Variants in EPHA3 observed in about 807,000 individuals in gnomAD.
EPHA3 encodes the protein ephrin type-A receptor 3.
A neutral mutation model predicts 107.1 loss-of-function variants in EPHA3; 42 were observed. The ratio of observed to expected loss-of-function variants is 0.39; its 90% CI spans 0.31 to 0.51. The LOEUF (loss-of-function observed/expected upper bound fraction) is 0.51, where lower values mean the gene tolerates loss of function less well. Among genes scored for constraint, EPHA3 ranks in the 20% least tolerant of loss-of-function variants. The pLI is 0.78. For synonymous variants in EPHA3, 461 were observed against 424.8 expected, an observed-to-expected ratio of 1.09 and a Z score of -1.05; for missense variants, 1,183 against 1,211.2, an observed-to-expected ratio of 0.98 and a Z score of 0.35.
intron 2 of EPHA3, among the ~76,000 whole-genome samples, chr3:89,204,794 C>T (rs1365613916): frequency 6.6e-6 from 1 of 152,004 alleles, no homozygotes; most frequent in Non-Finnish European, 1.5e-5. Context: ...GGTAAATGCC[C>T]AAATACTTCC....
intron 3 of EPHA3, among the ~76,000 whole-genome samples, chr3:89,282,310 C>A (rs1303006874): frequency 6.6e-6 from 1 of 152,224 alleles, no homozygotes; most frequent in Middle Eastern, 3.4e-3. Context: ...ATGTACTGAG[C>A]ACATACTATA....
intron 2 of EPHA3, among the ~76,000 whole-genome samples, chr3:89,175,549 T>C (rs1705303899): frequency 1.3e-5 from 2 of 152,262 alleles, no homozygotes; most frequent in Middle Eastern, 3.4e-3. Flanking sequence ...TGTTGAGTTA[T>C]TAACTTCAAA....
chr3:89,460,987 C>T (rs1262493557), intron 15 of EPHA3, among the ~76,000 whole-genome samples: 2 of 118,290 alleles, frequency 1.7e-5, no homozygotes, highest in Non-Finnish European at 3.5e-5. Context: ...TCCCCCGACC[C>T]CACCACAGTC....
chr3:89,476,685 G>T (rs1347048690), intron 16 of EPHA3, among the ~76,000 whole-genome samples: 2 of 151,312 alleles, frequency 1.3e-5, no homozygotes, highest in African/African-American at 4.9e-5. Flanking sequence ...TCGGCTCACT[G>T]CAAGCTCCGC....
intron 2 of EPHA3, among the ~76,000 whole-genome samples, chr3:89,152,938 T>C (rs1704720073): frequency 6.6e-6 from 1 of 152,112 alleles, no homozygotes; most frequent in Admixed American, 6.6e-5. Flanking sequence ...TCTGTAAAAC[T>C]GTCTAATTAT....
intron 2 of EPHA3, among the ~76,000 whole-genome samples, chr3:89,197,918 G>T (rs1278921881): frequency 6.6e-6 from 1 of 152,120 alleles, no homozygotes; most frequent in Non-Finnish European, 1.5e-5. Context: ...AGAGGTTGCA[G>T]TGAGCCAAGA....
intron 5 of EPHA3, among the ~76,000 whole-genome samples, chr3:89,347,370 C>G (rs1170989495): frequency 6.7e-6 from 1 of 148,596 alleles, no homozygotes; most frequent in Non-Finnish European, 1.5e-5. Flanking sequence ...ATTTTATTCT[C>G]TTTGAAGCAA....
intron 3 of EPHA3, among the ~76,000 whole-genome samples, chr3:89,334,426 A>G (rs1373897133): frequency 6.6e-6 from 1 of 152,218 alleles, no homozygotes; most frequent in African/African-American, 2.4e-5. Context: ...TTGTTCTTTT[A>G]TCTCCACTTA....
At chr3:89,441,135 C>T (rs559604069) in intron 13 of EPHA3, among the ~76,000 whole-genome samples, 2 of 152,248 alleles carry the variant, frequency 1.3e-5, no homozygotes, top group East Asian at 3.9e-4. Context: ...AAAACTGAGG[C>T]CAGAAACCAA....
Position 89,395,920 on chromosome 3 carries a change from A to G in EPHA3, c.1390A>G (p.Asn464Asp), listed in dbSNP as rs762400314. Residue 464 changes from asparagine to aspartate, a missense_variant, in exon 6 of 17, where the codon AAT becomes GAT. By Grantham distance (23) the Asn-to-Asp change is conservative (BLOSUM62 1). Transcript: ENST00000336596. Reference sequence around the variant, plus strand: ...GTCCTGGCAAGAACCTGAACATCCTAATGGGATCATATTGGACTACGAGGT... The same window carrying G: ...GTCCTGGCAAGAACCTGAACATCCTGATGGGATCATATTGGACTACGAGGT... ...SLSWQEPEHP[N>D]GIILDYEVKY... is the part of the protein sequence containing the mutation. The G allele has an allele frequency of 6.2e-7, 1 of 1,614,008 alleles. No homozygotes were observed. The highest frequency in any genetic ancestry group is 8.5e-7 in the Non-Finnish European group (1 of 1,179,946).
At chr3:89,113,512 A>AAAAAAAAAAAAAC (rs1707169730) in intron 1 of EPHA3, among the ~76,000 whole-genome samples, 1 of 149,278 alleles carries the variant, frequency 6.7e-6, no homozygotes, top group Non-Finnish European at 1.5e-5. Context: ...AAAAAAAAAA[A>AAAAAAAAAAAAAC]AGAGGGGAGG....
chr3:89,341,769 C>G lies in EPHA3; in HGVS notation c.985C>G (p.Pro329Ala). The G allele has an allele frequency of 2.5e-6, 4 of 1,609,882 alleles. No homozygotes were observed. Among genetic ancestry groups the G allele is most frequent in the Non-Finnish European group, 2.5e-6 (3 of 1,177,654 alleles). The stretch of plus-strand genomic sequence containing the variant: ...CTACTTTGCAGGACCTCCATCTTCA[C>G]CAAGAAATGTTATCTCTAATATAAA... Reference protein sequence around the residue: ...SMACTRPPSSPRNVISNINET... With the variant: ...SMACTRPPSSARNVISNINET... The change falls in exon 5 of 17, where the codon CCA (proline) becomes GCA (alanine). Residue 329 changes from proline (P) to alanine (A), a missense_variant. Physicochemically the swap from Pro to Ala is conservative, Grantham distance 27. Transcript: ENST00000336596.
At chr3:89,386,067 A>AT (rs1255858202) in intron 5 of EPHA3, among the ~76,000 whole-genome samples, 3 of 152,082 alleles carry the variant, frequency 2.0e-5, no homozygotes, top group Non-Finnish European at 2.9e-5. Flanking sequence ...TGGTGGAACA[A>AT]TTTTTTTAGT....
intron 3 of EPHA3, among the ~76,000 whole-genome samples, chr3:89,228,860 A>G (rs1289432084): frequency 6.6e-6 from 1 of 151,910 alleles, no homozygotes; most frequent in Admixed American, 6.6e-5. Flanking sequence ...AGTACATATA[A>G]ACTAAAGATT....
At chr3:89,383,639 CTTTTTTTTTTTT>C (rs71621546) in intron 5 of EPHA3, among the ~76,000 whole-genome samples, 1 of 87,962 alleles carries the variant, frequency 1.1e-5, no homozygotes, top group African/African-American at 4.3e-5. Flanking sequence ...ACTTCTTCTT[CTTTTTTTTTTTT>C]TTTTTTTTTT....
At chr3:89,434,673 G>A (rs1403917054) in intron 13 of EPHA3, among the ~76,000 whole-genome samples, 4 of 152,170 alleles carry the variant, frequency 2.6e-5, no homozygotes, top group Non-Finnish European at 5.9e-5. Context: ...AACTCTAAAT[G>A]TTTCCTTTAC....
chr3:89,448,782 G>A (rs530422177), intron 13 of EPHA3, among the ~76,000 whole-genome samples: 1 of 152,180 alleles, frequency 6.6e-6, no homozygotes, highest in Non-Finnish European at 1.5e-5. Context: ...AGTGGTCTAA[G>A]TTCTTTACAA....
intron 3 of EPHA3, among the ~76,000 whole-genome samples, chr3:89,268,224 G>A (rs1321471541): frequency 6.6e-6 from 1 of 152,092 alleles, no homozygotes; most frequent in Non-Finnish European, 1.5e-5. Flanking sequence ...ACAGGGTGGT[G>A]TTTGAGAGGG....
intron 13 of EPHA3, among the ~76,000 whole-genome samples, chr3:89,439,987 A>G (rs1057449902): frequency 2.0e-5 from 3 of 152,166 alleles, no homozygotes; most frequent in Admixed American, 2.0e-4. Flanking sequence ...CATGATGTTG[A>G]AAGATCTCAA....
Sources: allele counts gnomAD v4.1 joint callset (sites outside exome capture counted in the v4.1 genomes callset), GRCh38; gene constraint gnomAD v4.1.1; transcripts MANE v1.5; gene names NCBI Gene and HGNC (gene_info 2026-07-23, HGNC 2026-07-21).